MIPEP: variants seen among roughly 807,000 people sequenced by gnomAD.
The protein encoded by MIPEP is mitochondrial intermediate peptidase.
Under a neutral mutation model 90.3 loss-of-function variants are expected in MIPEP, and 79 were observed. The observed-to-expected ratio is 0.87, with a 90% confidence interval of 0.73 to 1.05. The LOEUF (loss-of-function observed/expected upper bound fraction) is 1.05, where lower values mean the gene tolerates loss of function less well. Among genes scored for constraint, MIPEP ranks in the 50% least tolerant of loss-of-function variants. The probability of loss-of-function intolerance (pLI) is 0.00; values close to 1 mark genes in which losing one functional copy is unlikely to be tolerated. For missense variants in MIPEP, 940 were observed against 905.6 expected, an observed-to-expected ratio of 1.04 and a Z score of -0.49; for synonymous variants, 334 against 315.8, an observed-to-expected ratio of 1.06 and a Z score of -0.61.
At chr13:23,850,428 A>G (rs961749476) in intron 10 of MIPEP, among the ~76,000 whole-genome samples, 2 of 152,188 alleles carry the variant, frequency 1.3e-5, no homozygotes, top group Non-Finnish European at 2.9e-5. Flanking sequence ...TAAAGAATCC[A>G]CCATTGCTAA....
intron 8 of MIPEP, among the ~76,000 whole-genome samples, chr13:23,863,299 C>A (rs1042850198): frequency 6.6e-6 from 1 of 152,114 alleles, no homozygotes; most frequent in Non-Finnish European, 1.5e-5. Flanking sequence ...AGTGTATGAT[C>A]GAAGGCACTG....
chr13:23,794,760 C>T (rs1321867911), intron 16 of MIPEP, among the ~76,000 whole-genome samples: 1 of 152,144 alleles, frequency 6.6e-6, no homozygotes. Context: ...ACCGGGTAGT[C>T]ATAATTTCCT....
intron 16 of MIPEP, among the ~76,000 whole-genome samples, chr13:23,795,168 T>C (rs1952943603): frequency 6.6e-6 from 1 of 151,216 alleles, no homozygotes; most frequent in Non-Finnish European, 1.5e-5. Context: ...GCAGGAGAGC[T>C]GGGGCATAAG....
intron 15 of MIPEP, among the ~76,000 whole-genome samples, chr13:23,806,303 A>C (rs543242715): frequency 2.3e-4 from 35 of 152,368 alleles, no homozygotes; most frequent in African/African-American, 8.4e-4. Flanking sequence ...AAGAATTTTG[A>C]ACCATACCCA....
intron 14 of MIPEP, among the ~76,000 whole-genome samples, chr13:23,823,451 T>C (rs2137432129): frequency 6.6e-6 from 1 of 152,314 alleles, no homozygotes; most frequent in African/African-American, 2.4e-5. Context: ...ACAGCTTGGG[T>C]GACCACACAT....
intron 16 of MIPEP, among the ~76,000 whole-genome samples, chr13:23,774,140 C>T (rs1952685133): frequency 6.6e-6 from 1 of 152,062 alleles, no homozygotes; most frequent in African/African-American, 2.4e-5. Flanking sequence ...CATTCTTTTG[C>T]ATGTGGAGAT....
At chr13:23,731,716 C>T (rs935702067) in intron 18 of MIPEP, among the ~76,000 whole-genome samples, 2 of 152,148 alleles carry the variant, frequency 1.3e-5, no homozygotes, top group African/African-American at 2.4e-5. Context: ...AAAATACTCA[C>T]AAAACATATC....
chr13:23,839,793 G>T, intron 11 of MIPEP, 67 bp from the exon 12 acceptor site: 1 of 1,109,418 alleles, frequency 9.0e-7, no homozygotes, highest in Non-Finnish European at 1.3e-6. Context: ...CCTAACACAA[G>T]AATCTGTATA....
intron 16 of MIPEP, among the ~76,000 whole-genome samples, chr13:23,776,380 C>G (rs1952716751): frequency 6.6e-6 from 1 of 152,312 alleles, no homozygotes; most frequent in East Asian, 1.9e-4. Flanking sequence ...TCCTCACTCC[C>G]TCCTCCCTAC....
chr13:23,841,679 T>A (rs1869305128), intron 10 of MIPEP, among the ~76,000 whole-genome samples, 191 bp from the exon 11 acceptor site: 1 of 152,228 alleles, frequency 6.6e-6, no homozygotes, highest in Non-Finnish European at 1.5e-5. Context: ...TTATTACTAG[T>A]GTTAGTTATA....
chr13:23,831,651 G>A (rs115831428), intron 14 of MIPEP, among the ~76,000 whole-genome samples: 4,177 of 152,172 alleles, frequency 0.027, 204 homozygotes, highest in African/African-American at 0.091. Context: ...ACCTGCTCTC[G>A]TGGGAACTGA....
intron 18 of MIPEP, among the ~76,000 whole-genome samples, chr13:23,753,223 C>CAA (rs765963824): frequency 3.1e-5 from 4 of 128,148 alleles, no homozygotes; most frequent in African/African-American, 1.1e-4. Context: ...GACTCCATCT[C>CAA]AAAAAAAAAA....
At chr13:23,821,240 T>C (rs1322160239) in intron 14 of MIPEP, among the ~76,000 whole-genome samples, 1 of 152,252 alleles carries the variant, frequency 6.6e-6, no homozygotes, top group Non-Finnish European at 1.5e-5. Flanking sequence ...CTATAAAATC[T>C]GTATCCCTTA....
At position 23,886,400 on chromosome 13, in the gene MIPEP, G is replaced by A. The variant is rs149321835; in HGVS notation, c.296C>T (p.Pro99Leu). 4 of 1,607,574 alleles carry A rather than the reference G, an allele frequency of 2.5e-6. No individual in the cohort carries two copies. The highest frequency in any genetic ancestry group is 2.7e-5 in the African/African-American group (2 of 74,522). Residue 99 changes from proline (P) to leucine (L), a missense_variant, in exon 2 of 19, where the codon CCA becomes CTA. Physicochemically the swap from Pro to Leu is moderately conservative, Grantham distance 98. Coordinates refer to ENST00000382172, the MANE Select transcript of MIPEP (RefSeq NM_005932.4). ...ELLVDRACST[P>L]PGPQTVLIFD... ...GATCAGCACGGTCTGGGGCCCAGGTGGGGTGGAACATGCACGGTCCACAAG... is the reference window on the plus strand; with the variant it reads ...GATCAGCACGGTCTGGGGCCCAGGTAGGGTGGAACATGCACGGTCCACAAG...
intron 14 of MIPEP, among the ~76,000 whole-genome samples, chr13:23,813,128 A>C (rs1329731705): frequency 1.3e-5 from 2 of 152,348 alleles, no homozygotes; most frequent in African/African-American, 4.8e-5. Flanking sequence ...TGAAAAAAAA[A>C]CTTAAATACC....
At chr13:23,819,736 C>T (rs1437313548) in intron 14 of MIPEP, among the ~76,000 whole-genome samples, 9 of 151,976 alleles carry the variant, frequency 5.9e-5, no homozygotes, top group Non-Finnish European at 1.3e-4. Flanking sequence ...AAGCCGGACA[C>T]GGTGGCTCAT....
At chr13:23,747,310 A>G (rs1386649377) in intron 18 of MIPEP, among the ~76,000 whole-genome samples, 11 of 152,182 alleles carry the variant, frequency 7.2e-5, no homozygotes, top group Admixed American at 6.5e-5. Flanking sequence ...ACTATCTGAA[A>G]TCATTTAGGC....
chr13:23,758,146 G>A (rs1468126632), intron 17 of MIPEP, among the ~76,000 whole-genome samples: 1 of 152,160 alleles, frequency 6.6e-6, no homozygotes, highest in African/African-American at 2.4e-5. Context: ...GGCAGGGGTG[G>A]CTGAGGGGCC....
At chr13:23,804,850 C>T (rs960849180) in intron 16 of MIPEP, among the ~76,000 whole-genome samples, 4 of 152,162 alleles carry the variant, frequency 2.6e-5, no homozygotes, top group African/African-American at 7.2e-5. Context: ...ATTTATTCTG[C>T]TTTTTATAGT....
Sources: gnomAD v4.1 joint callset for allele counts (sites outside exome capture counted in the v4.1 genomes callset) on GRCh38, gnomAD v4.1.1 for gene constraint, MANE v1.5 for transcripts, NCBI Gene and HGNC (gene_info 2026-07-23, HGNC 2026-07-21) for gene names.